Variants in SRCAP observed in about 807,000 individuals in gnomAD.
SRCAP encodes Snf2 related CREBBP activator protein, also known as chromatin remodeling protein SRCAP.
SRCAP carries 46 observed loss-of-function variants against 263.1 expected under a neutral mutation model. The observed-to-expected ratio is 0.17, with a 90% CI of 0.14 to 0.22. The LOEUF is 0.22. Ranked by LOEUF, SRCAP falls within the 10% of genes least tolerant of loss-of-function variation. SRCAP has a pLI of 1.00. For synonymous variants in SRCAP, 1,813 were observed against 1,662.1 expected (o/e 1.09, Z -2.21); for missense variants, 3,695 against 4,181.9 (o/e 0.88, Z 3.21).
In SRCAP at chr16:30,724,965, G is replaced by A. The variant is rs1351102848; in HGVS notation, c.5541G>A (p.Glu1847=). The change falls in exon 25 of 34, where the codon GAG becomes GAA. Residue 1847 remains glutamate (E), a synonymous_variant. Coordinates refer to ENST00000262518, the MANE Select transcript of SRCAP (RefSeq NM_006662.3). ...CCCGGCTGCCTGTTTCCAAGGATGAGCCTGACACACTGACATTGCGCTCTG... is the reference window on the plus strand; with the variant it reads ...CCCGGCTGCCTGTTTCCAAGGATGAACCTGACACACTGACATTGCGCTCTG... ...MVSRLPVSKD[E]PDTLTLRSGP... is the part of the protein sequence containing the mutation. 2 of 1,614,182 alleles carry A rather than the reference G, an allele frequency of 1.2e-6. No homozygotes were observed. Among genetic ancestry groups the A allele is most frequent in the Non-Finnish European group, 1.7e-6 (2 of 1,180,034 alleles).
At chr16:30,720,506 G>C (rs1291356733) in intron 19 of SRCAP, among the ~76,000 whole-genome samples, 175 bp downstream of exon 19, 1 of 152,164 alleles carries the variant, frequency 6.6e-6, no homozygotes, top group Non-Finnish European at 1.5e-5. Context: ...ACTGGGATGG[G>C]CTTCTGTGTT....
In SRCAP at chr16:30,713,662, T is replaced by C. The variant is rs2052914904; in HGVS notation, c.2444T>C (p.Ile815Thr). Residue 815 changes from isoleucine (I) to threonine (T), a missense_variant, in exon 16 of 34, where the codon ATT (isoleucine) becomes ACT (threonine). This residue lies in a region of SRCAP where 121 missense variants were observed against 330.7 expected (regional missense o/e 0.37). Transcript: ENST00000262518. The stretch of plus-strand genomic sequence containing the variant: ...TTCTCTAATCCCCTAACTGGCATGA[T>C]TGAGGGCAGCCAAGAGTATAATGAA... ...EWFSNPLTGM[I>T]EGSQEYNEGL... 6.2e-7 allele frequency: 1 copy of C among 1,614,088 alleles called. No individual in the cohort carries two copies. Among genetic ancestry groups the C allele is most frequent in the Non-Finnish European group, 8.5e-7 (1 of 1,180,020 alleles).
rs1207971858 is a variant in SRCAP at position 30,722,701 on chromosome 16, C to T, written c.3845C>T (p.Thr1282Ile). 2.5e-6 allele frequency: 4 copies of T among 1,613,752 alleles called. No individual in the cohort carries two copies. The highest frequency in any genetic ancestry group is 2.7e-5 in the African/African-American group (2 of 74,862). Residue 1282 changes from threonine to isoleucine, a missense_variant, in exon 23 of 34, where the codon ACC becomes ATC. Physicochemically the swap from Thr to Ile is moderately conservative, Grantham distance 89. Transcript: ENST00000262518. Reference protein sequence around the residue: ...VSVLPSSTPSTTPAPTGLSLP... With the variant: ...VSVLPSSTPSITPAPTGLSLP... Reference sequence around the variant, plus strand: ...GTGCTGCCTTCTTCGACCCCCAGCACCACCCCTGCCCCTACTGGCCTCAGC... The same window carrying T: ...GTGCTGCCTTCTTCGACCCCCAGCATCACCCCTGCCCCTACTGGCCTCAGC...
chr16:30,731,520 G>T (rs1422249487), intron 27 of SRCAP, among the ~76,000 whole-genome samples: 1 of 152,148 alleles, frequency 6.6e-6, no homozygotes, highest in Non-Finnish European at 1.5e-5. Context: ...AAAAAAAAGT[G>T]TTTTTGTTAC....
At chr16:30,704,451 G>A (rs772640343) in intron 4 of SRCAP, 136 bp downstream of exon 4, 78 of 1,040,572 alleles carry the variant, frequency 7.5e-5, no homozygotes, top group Non-Finnish European at 1.0e-4. Flanking sequence ...GTATATGATC[G>A]TGAGCAAACT....
intron 16 of SRCAP, among the ~76,000 whole-genome samples, chr16:30,713,984 G>C (rs934156068): frequency 6.8e-6 from 1 of 147,450 alleles, no homozygotes; most frequent in Non-Finnish European, 1.5e-5. Context: ...TGCAAACTCC[G>C]CCTTCTGGGT....
At chr16:30,734,127 G>C (rs1567252058) in intron 30 of SRCAP, 119 bp downstream of exon 30, 9 of 879,230 alleles carry the variant, frequency 1.0e-5, no homozygotes, top group Non-Finnish European at 1.6e-5. Context: ...CGGATCACTT[G>C]AGGCCAGGAG....
chr16:30,736,641 G>A lies in SRCAP; in HGVS notation c.7008+17G>A. ...CAGGCAGAAGTGAGTATTTCCAGGGGTGGGGCTGGCAGTTGGAAGCTGCTA... is the reference window on the plus strand; with the variant it reads ...CAGGCAGAAGTGAGTATTTCCAGGGATGGGGCTGGCAGTTGGAAGCTGCTA... On this transcript the variant is annotated intron_variant, in intron 33 of 33. Transcript: ENST00000262518. The A allele has an allele frequency of 6.2e-7, 1 of 1,613,386 alleles. No homozygotes were observed. Among genetic ancestry groups the A allele is most frequent in the Non-Finnish European group, 8.5e-7 (1 of 1,179,412 alleles).
intron 18 of SRCAP, among the ~76,000 whole-genome samples, chr16:30,718,328 C>T (rs180700639): frequency 3.2e-4 from 48 of 152,250 alleles, no homozygotes; most frequent in African/African-American, 9.9e-4. Flanking sequence ...GGGCATGCGC[C>T]ACCACGCCCA....
At chr16:30,711,789 G>A (rs1191157557) in intron 11 of SRCAP, 45 bp downstream of exon 11, 3 of 1,610,202 alleles carry the variant, frequency 1.9e-6, no homozygotes, top group Non-Finnish European at 2.5e-6. Context: ...GGTGGCCATT[G>A]GAAGAGCAGG....
chr16:30,716,673 A>T (rs997327261), intron 18 of SRCAP, among the ~76,000 whole-genome samples, 194 bp downstream of exon 18: 1 of 152,166 alleles, frequency 6.6e-6, no homozygotes, highest in African/African-American at 2.4e-5. Context: ...CTGTGAATTT[A>T]TCAGGATGTA....
chr16:30,722,864 G>T, intron 23 of SRCAP, 99 bp from the exon 24 acceptor site: 1 of 1,548,154 alleles, frequency 6.5e-7, no homozygotes, highest in Non-Finnish European at 8.7e-7. Context: ...GAATATCTAT[G>T]ATACCTGTCT....
intron 4 of SRCAP, among the ~76,000 whole-genome samples, chr16:30,705,611 G>T (rs555516726): frequency 6.6e-6 from 1 of 151,808 alleles, no homozygotes; most frequent in East Asian, 1.9e-4. Context: ...CATGTTGGCG[G>T]GATGGTCTTG....
At chr16:30,710,522 G>A (rs367587081) in intron 8 of SRCAP, 4 of 754,106 alleles carry the variant, frequency 5.3e-6, no homozygotes, top group Non-Finnish European at 7.3e-6. Context: ...AGTGTTGGGT[G>A]CCTTTATTTG....
At chr16:30,706,273 TTG>T (rs1217538164) in intron 4 of SRCAP, among the ~76,000 whole-genome samples, 1 of 152,062 alleles carries the variant, frequency 6.6e-6, no homozygotes, top group African/African-American at 2.4e-5. Flanking sequence ...AGCCTTGACA[TTG>T]TGAAACCTCG....
rs149248373 is a variant in SRCAP at position 30,721,237 on chromosome 16, C to A, written c.3302C>A (p.Thr1101Lys). The change falls in exon 21 of 34, where the codon ACG (threonine) becomes AAG (lysine). Residue 1101 changes from threonine (T) to lysine (K), a missense_variant. This residue lies in a region of SRCAP where 1,347 missense variants were observed against 1,304.4 expected (regional missense o/e 1.03). Coordinates refer to ENST00000262518, the MANE Select transcript of SRCAP (RefSeq NM_006662.3). ...CTGAGTGGGACCTCACGGCCTCCCA[C>A]GCCAACCTTGTCCCTAAAGCCAACA... ...GVLSGTSRPP[T>K]PTLSLKPTPP... 11,823 of 1,613,894 alleles carry A rather than the reference C, an allele frequency of 7.3e-3. 62 individuals carry two copies. The highest frequency in any genetic ancestry group is 8.8e-3 in the Non-Finnish European group (10,407 of 1,179,924).
chr16:30,737,567 A>G lies in SRCAP; in HGVS notation c.7527A>G (p.Pro2509=). ...CTCCTCCTGCCTGTACCCCTCCACC[A>G]GCTCATACACCGCCTCCAGCCCAAA... ...CTPPPACTPP[P]AHTPPPAQTC... Residue 2509 remains proline (P), a synonymous_variant, in exon 34 of 34, where the codon CCA becomes CCG. Coordinates refer to ENST00000262518, the MANE Select transcript of SRCAP (RefSeq NM_006662.3). 6.2e-7 allele frequency: 1 copy of G among 1,613,740 alleles called. No individual in the cohort carries two copies.
intron 20 of SRCAP, 70 bp downstream of exon 20, chr16:30,721,048 G>T: frequency 6.5e-7 from 1 of 1,547,946 alleles, no homozygotes. Flanking sequence ...GGAGGAAGTA[G>T]TGAAATTAAA....
chr16:30,731,309 C>T (rs2053112525), intron 27 of SRCAP, among the ~76,000 whole-genome samples: 1 of 152,168 alleles, frequency 6.6e-6, no homozygotes, highest in Non-Finnish European at 1.5e-5. Flanking sequence ...TTGGGGCCTT[C>T]TTCACCTGGG....
Sources: allele counts gnomAD v4.1 joint callset (sites outside exome capture counted in the v4.1 genomes callset), GRCh38; gene constraint gnomAD v4.1.1; regional missense constraint gnomAD v4.1.1; transcripts MANE v1.5; gene names NCBI Gene and HGNC (gene_info 2026-07-23, HGNC 2026-07-21).